RC3H2: variants seen among roughly 807,000 people sequenced by gnomAD.
RC3H2 encodes the protein ring finger and CCCH-type domains 2, also known as roquin-2.
RC3H2 carries 31 observed loss-of-function variants against 133.3 expected under a neutral mutation model. That is an observed-to-expected ratio of 0.23 (90% CI 0.17 to 0.31). The LOEUF (loss-of-function observed/expected upper bound fraction) is 0.31, where lower values mean the gene tolerates loss of function less well. Ranked by LOEUF, RC3H2 falls within the 10% of genes least tolerant of loss-of-function variation. RC3H2 has a pLI of 1.00. For synonymous variants in RC3H2, 517 were observed against 502.2 expected, an observed-to-expected ratio of 1.03 and a Z score of -0.40; for missense variants, 1,175 against 1,437.2, an observed-to-expected ratio of 0.82 and a Z score of 2.95.
chr9:122,858,322 T>G (rs1302808498), intron 12 of RC3H2, among the ~76,000 whole-genome samples: 2 of 152,254 alleles, frequency 1.3e-5, no homozygotes, highest in African/African-American at 4.8e-5. Context: ...GGAAGTCATT[T>G]GTATGTATGT....
intron 10 of RC3H2, among the ~76,000 whole-genome samples, chr9:122,863,301 A>G (rs1444792632): frequency 6.6e-6 from 1 of 152,214 alleles, no homozygotes; most frequent in African/African-American, 2.4e-5. Flanking sequence ...ACAGTTTTAC[A>G]AAATTTTCTT....
intron 1 of RC3H2, among the ~76,000 whole-genome samples, chr9:122,901,992 C>A (rs998302716): frequency 6.7e-6 from 1 of 148,594 alleles, no homozygotes; most frequent in African/African-American, 2.5e-5. Context: ...TGCAATGGCG[C>A]GATCTCGGCT....
chr9:122,904,659 G>T (rs1832772772), intron 1 of RC3H2, among the ~76,000 whole-genome samples: 1 of 152,128 alleles, frequency 6.6e-6, no homozygotes. Flanking sequence ...GTTTGGCCGG[G>T]GTTCCTATTT....
At chr9:122,855,498 T>G in intron 14 of RC3H2, 101 bp from the exon 15 acceptor site, 1 of 1,180,384 alleles carries the variant, frequency 8.5e-7, no homozygotes, top group Non-Finnish European at 1.2e-6. Context: ...TTTGGTTAAT[T>G]TAAAACTAGC....
Position 122,845,917 on chromosome 9 carries a change from C to A in RC3H2, c.*3710G>T, listed in dbSNP as rs1416261240. 2.6e-5 allele frequency: 4 copies of A among 152,104 alleles called. No individual in the cohort carries two copies. The highest frequency in any genetic ancestry group is 4.4e-5 in the Non-Finnish European group (3 of 68,004). 9.4% of individuals were successfully genotyped at this position (152,104 alleles called of 1,614,324 possible). On this transcript the variant is annotated 3_prime_UTR_variant, in exon 21 of 21. Coordinates refer to ENST00000357244, the MANE Select transcript of RC3H2 (RefSeq NM_001100588.3). Reference sequence around the variant, plus strand: ...TCCCTTTAATGCTTAGTTATCAATACTGGTGACAGTCTGCTCCAAAAATGA... The same window carrying A: ...TCCCTTTAATGCTTAGTTATCAATAATGGTGACAGTCTGCTCCAAAAATGA...
chr9:122,865,806 T>A, intron 9 of RC3H2, 149 bp from the exon 10 acceptor site: 1 of 634,030 alleles, frequency 1.6e-6, no homozygotes, highest in Non-Finnish European at 2.7e-6. Flanking sequence ...ATACAGTCTA[T>A]ATCAAATTCT....
chr9:122,905,053 C>G (rs893486814), intron 1 of RC3H2, 57 bp downstream of exon 1: 2 of 979,146 alleles, frequency 2.0e-6, no homozygotes, highest in African/African-American at 3.5e-5. Flanking sequence ...GCCCGACCGC[C>G]GGGGACCAGG....
chr9:122,905,336 C>A lies in RC3H2; in HGVS notation c.-294G>T. On this transcript the variant is annotated 5_prime_UTR_variant, in exon 1 of 21. Transcript: ENST00000357244. ...CGCCTCCTCCTCCTCCTCCTCCTCACCACGGAGGCGGACCTGGAGGGATCC... is the reference window on the plus strand; with the variant it reads ...CGCCTCCTCCTCCTCCTCCTCCTCAACACGGAGGCGGACCTGGAGGGATCC... The A allele has an allele frequency of 1.0e-6, 1 of 959,546 alleles. No individual in the cohort carries two copies. Among genetic ancestry groups the A allele is most frequent in the Non-Finnish European group, 1.2e-6 (1 of 806,306 alleles). The allele number at this position is 959,546 out of a possible 1,614,324, so 59.4% of individuals were successfully genotyped here.
intron 19 of RC3H2, 42 bp downstream of exon 19, chr9:122,851,281 C>T (rs1215344486): frequency 5.0e-6 from 8 of 1,611,828 alleles, no homozygotes; most frequent in Non-Finnish European, 6.8e-6. Flanking sequence ...TATAAATTTT[C>T]AATCAAACAA....
intron 8 of RC3H2, 94 bp downstream of exon 8, chr9:122,879,661 T>C: frequency 1.2e-6 from 1 of 809,934 alleles, no homozygotes; most frequent in South Asian, 1.7e-5. Context: ...ATGAGTCACA[T>C]ACGGAGTCCA....
chr9:122,880,760 T>C lies in RC3H2; in HGVS notation c.794A>G (p.Gln265Arg). The C allele has an allele frequency of 1.9e-6, 3 of 1,614,062 alleles. No homozygotes were observed. The highest frequency in any genetic ancestry group is 2.5e-6 in the Non-Finnish European group (3 of 1,179,926). Residue 265 changes from glutamine (Q) to arginine (R), a missense_variant, in exon 6 of 21, where the codon CAG becomes CGG. Transcript: ENST00000357244. ...ATAACTCCGAAATTCCTCCTTCAGC[T>C]GCATTAGGGAAGAGTCTTCATCTCT... Reference protein sequence around the residue: ...TKRDEDSSLMQLKEEFRSYEA... With the variant: ...TKRDEDSSLMRLKEEFRSYEA...
At position 122,881,058 on chromosome 9, in the gene RC3H2, G is replaced by A. The variant is rs563634778; in HGVS notation, c.760-264C>T. 2.0e-5 allele frequency among the ~76,000 whole-genome samples: 3 copies of A among 152,130 alleles called. No homozygotes were observed. The East Asian group carries it at 5.8e-4, about 29-fold the overall frequency. ...TTGTAAGTAGAAAATTATAGTAAAA[G>A]TTATAAGGCTTGATGGCAACAAAGA... On this transcript the variant is annotated intron_variant, in intron 5 of 20. Coordinates refer to ENST00000357244, the MANE Select transcript of RC3H2 (RefSeq NM_001100588.3).
chr9:122,866,982 T>C (rs1168186382), intron 9 of RC3H2, among the ~76,000 whole-genome samples: 2 of 124,554 alleles, frequency 1.6e-5, no homozygotes, highest in Non-Finnish European at 3.3e-5. Context: ...GGCCACCCAT[T>C]GTCTGAGATG....
chr9:122,892,816 T>C (rs1588110008), intron 3 of RC3H2, 93 bp downstream of exon 3: 2 of 933,698 alleles, frequency 2.1e-6, no homozygotes, highest in Non-Finnish European at 1.7e-6. Flanking sequence ...AAACTCCTTT[T>C]CCATAACTTA....
intron 18 of RC3H2, among the ~76,000 whole-genome samples, chr9:122,852,333 C>G: frequency 6.6e-6 from 1 of 150,684 alleles, no homozygotes; most frequent in East Asian, 2.0e-4. Context: ...AGGAGCCTCT[C>G]TGCCTGGCAG....
In RC3H2 at chr9:122,855,161, T is replaced by C. The variant is rs766507132; in HGVS notation, c.2815+23A>G. On this transcript the variant is annotated intron_variant, in intron 15 of 20. Coordinates refer to ENST00000357244, the MANE Select transcript of RC3H2 (RefSeq NM_001100588.3). ...GCATAGTGCTTAGAACATATCAGGC[T>C]AGGTATTATCTAAATGGATTACCTG... The C allele has an allele frequency of 8.1e-6, 12 of 1,478,152 alleles. No individual in the cohort carries two copies. The Admixed American group carries it at 1.7e-4, about 21-fold the overall frequency. 91.6% of individuals were successfully genotyped at this position (1,478,152 alleles called of 1,614,324 possible).
In RC3H2 at chr9:122,884,014, G is replaced by T. The variant is rs1043883661; in HGVS notation, c.584-635C>A. ...TCTCAAACAAATACATAAAAATTAG[G>T]CCGGGCGCGGTGGCTCACGTCTGTA... On this transcript the variant is annotated intron_variant, in intron 4 of 20. Coordinates refer to ENST00000357244, the MANE Select transcript of RC3H2 (RefSeq NM_001100588.3). Among the ~76,000 whole-genome samples, 7 of 151,906 alleles carry T rather than the reference G, an allele frequency of 4.6e-5. 1 individual carries two copies. Among genetic ancestry groups the T allele is most frequent in the Non-Finnish European group, 7.4e-5 (5 of 68,016 alleles).
chr9:122,870,878 G>A (rs576249543), intron 9 of RC3H2, among the ~76,000 whole-genome samples: 1 of 152,292 alleles, frequency 6.6e-6, no homozygotes, highest in Admixed American at 6.5e-5. Flanking sequence ...CTGCTACCAA[G>A]CAGCTAAATG....
intron 9 of RC3H2, among the ~76,000 whole-genome samples, chr9:122,871,066 G>C (rs1018360575): frequency 6.6e-6 from 1 of 152,130 alleles, no homozygotes; most frequent in African/African-American, 2.4e-5. Context: ...GAAAATAGAT[G>C]AAAGCAGAGG....
Sources: gnomAD v4.1 joint callset for allele counts (sites outside exome capture counted in the v4.1 genomes callset) on GRCh38, gnomAD v4.1.1 for gene constraint, MANE v1.5 for transcripts, NCBI Gene and HGNC (gene_info 2026-07-23, HGNC 2026-07-21) for gene names.